PCDHA3: variants seen among roughly 807,000 people sequenced by gnomAD.
The protein encoded by PCDHA3 is protocadherin alpha-3.
In PCDHA3, 41 loss-of-function variants were observed where a neutral mutation model predicts 62.2. The observed-to-expected ratio is 0.66, with a 90% CI of 0.51 to 0.86. The LOEUF is 0.86. Among genes scored for constraint, PCDHA3 ranks in the 40% least tolerant of loss-of-function variants. PCDHA3 has a pLI of 0.00. For missense variants in PCDHA3, 1,304 were observed against 1,241.2 expected (o/e 1.05, Z -0.76); for synonymous variants, 640 against 555.4 (o/e 1.15, Z -2.14).
chr5:140,975,601 GA>G (rs781785883), intron 1 of PCDHA3, among the ~76,000 whole-genome samples: 1 of 152,192 alleles, frequency 6.6e-6, no homozygotes, highest in Non-Finnish European at 1.5e-5. Flanking sequence ...GCAATTTGTT[GA>G]TGTCTTCCAC....
Position 140,802,180 on chromosome 5 carries a change from C to T in PCDHA3, c.983C>T (p.Pro328Leu). The change falls in exon 1 of 4, where the codon CCC becomes CTC. Residue 328 changes from proline to leucine, a missense_variant. Coordinates refer to ENST00000522353, the MANE Select transcript of PCDHA3 (RefSeq NM_018906.3). ...GTAGAAGCCACGGATAAAGGAAATCCCCCAATGTCAGATCACTGCACAGTT... is the reference window on the plus strand; with the variant it reads ...GTAGAAGCCACGGATAAAGGAAATCTCCCAATGTCAGATCACTGCACAGTT... ...IQVEATDKGNPPMSDHCTVLL... is the reference protein window; with the variant it reads ...IQVEATDKGNLPMSDHCTVLL... 6.2e-7 allele frequency: 1 copy of T among 1,614,168 alleles called. No homozygotes were observed. The highest frequency in any genetic ancestry group is 8.5e-7 in the Non-Finnish European group (1 of 1,180,024).
chr5:140,807,525 C>T (rs367896801), intron 1 of PCDHA3: 9 of 1,613,934 alleles, frequency 5.6e-6, no homozygotes, highest in Non-Finnish European at 7.6e-6. Context: ...GTAGACAGGC[C>T]GCTGCAGGTT....
At chr5:140,869,126 G>C in intron 1 of PCDHA3, 1 of 1,611,852 alleles carries the variant, frequency 6.2e-7, no homozygotes, top group African/African-American at 1.3e-5. Context: ...CAGAGAAGGG[G>C]ATTGGGCACC....
chr5:140,992,807 C>T (rs781970284), intron 3 of PCDHA3, among the ~76,000 whole-genome samples: 2 of 152,226 alleles, frequency 1.3e-5, no homozygotes, highest in African/African-American at 4.8e-5. Flanking sequence ...CCATATGTAT[C>T]TAAGGATGTG....
intron 1 of PCDHA3, among the ~76,000 whole-genome samples, chr5:140,839,342 G>A (rs1463316254): frequency 2.0e-5 from 3 of 150,644 alleles, no homozygotes; most frequent in East Asian, 3.9e-4. Flanking sequence ...GTTGATAGGG[G>A]ATCCTCCTTA....
At chr5:140,824,949 A>C (rs1182426968) in intron 1 of PCDHA3, 1 of 152,150 alleles carries the variant, frequency 6.6e-6, no homozygotes, top group Non-Finnish European at 1.5e-5. Context: ...TAATTTAAAA[A>C]TTATATTTTT....
Position 140,807,662 on chromosome 5 carries a change from G to A in PCDHA3, c.2394+4071G>A, listed in dbSNP as rs782724169. The A allele has an allele frequency of 6.2e-6, 10 of 1,614,236 alleles. No individual in the cohort carries two copies. The Admixed American group carries it at 1.2e-4, about 19-fold the overall frequency. On this transcript the variant is annotated intron_variant, in intron 1 of 3. Coordinates refer to ENST00000522353, the MANE Select transcript of PCDHA3 (RefSeq NM_018906.3). ...TCGGTTTCCACTAGAGGGCGCCTCG[G>A]ATGCAGATATCGGGGAGAACGCCCT...
In PCDHA3 at chr5:140,882,891, A is replaced by T. The variant is rs782750187; in HGVS notation, c.2394+79300A>T. 1 of 1,614,230 alleles carries T rather than the reference A, an allele frequency of 6.2e-7. No individual in the cohort carries two copies. The highest frequency in any genetic ancestry group is 8.5e-7 in the Non-Finnish European group (1 of 1,180,042). On this transcript the variant is annotated intron_variant, in intron 1 of 3. Transcript: ENST00000522353. ...CTGGACAGAGAGGAAATTCAGGAAC[A>T]TAGTTTATTACTGACAGCCAGTGAT...
chr5:140,919,097 C>T lies in PCDHA3; in HGVS notation c.2395-59852C>T, dbSNP rs531325561. Among the ~76,000 whole-genome samples the T allele has an allele frequency of 5.3e-5, 8 of 152,242 alleles. No homozygotes were observed. The South Asian group carries it at 1.7e-3, about 32-fold the overall frequency. ...TATGACTATTGAATTGTCTATTTCT[C>T]CCTTCATTTCTGCCAGTTTTTGCTT... On this transcript the variant is annotated intron_variant, in intron 1 of 3. Coordinates refer to ENST00000522353, the MANE Select transcript of PCDHA3 (RefSeq NM_018906.3).
intron 1 of PCDHA3, chr5:140,836,683 C>T (rs2150267743): frequency 6.8e-6 from 11 of 1,613,526 alleles, no homozygotes; most frequent in Non-Finnish European, 9.3e-6. Context: ...CCACCCAAGA[C>T]AGACCTCATG....
chr5:140,898,389 G>A (rs1402524208), intron 1 of PCDHA3, among the ~76,000 whole-genome samples: 3 of 152,190 alleles, frequency 2.0e-5, no homozygotes, highest in Non-Finnish European at 4.4e-5. Flanking sequence ...AAGGGATCCA[G>A]TTTCAGCTTT....
chr5:140,879,869 T>C lies in PCDHA3; in HGVS notation c.2394+76278T>C, dbSNP rs782705975. Among the ~76,000 whole-genome samples, 13 of 152,220 alleles carry C rather than the reference T, an allele frequency of 8.5e-5. 1 individual carries two copies. The highest frequency in any genetic ancestry group is 1.5e-4 in the Non-Finnish European group (10 of 68,042). ...CCCATCTCAGCCTTCTCAGCTTTCA[T>C]GGTCACATTGCCTCCTCCTCTCCAT... On this transcript the variant is annotated intron_variant, in intron 1 of 3. Coordinates refer to ENST00000522353, the MANE Select transcript of PCDHA3 (RefSeq NM_018906.3).
At chr5:140,821,267 A>G (rs1472795848) in intron 1 of PCDHA3, among the ~76,000 whole-genome samples, 1 of 152,200 alleles carries the variant, frequency 6.6e-6, no homozygotes, top group Non-Finnish European at 1.5e-5. Context: ...AGTTATTTTT[A>G]TCAGTTTGGA....
rs151053430 is a variant in PCDHA3 at position 140,849,630 on chromosome 5, G to T, written c.2394+46039G>T. Reference sequence around the variant, plus strand: ...CCTGATTAGTGTGATCGACCTAGACGCAGATGCCAACGGGCAGGTTACCTG... The same window carrying T: ...CCTGATTAGTGTGATCGACCTAGACTCAGATGCCAACGGGCAGGTTACCTG... On this transcript the variant is annotated intron_variant, in intron 1 of 3. Transcript: ENST00000522353. 6.9e-4 allele frequency: 1,103 copies of T among 1,598,686 alleles called. 107 individuals are homozygous for T. Among genetic ancestry groups the T allele is most frequent in the South Asian group, 1.2e-3 (106 of 90,556 alleles).
chr5:140,836,350 A>G, intron 1 of PCDHA3: 1 of 1,613,636 alleles, frequency 6.2e-7, no homozygotes, highest in Non-Finnish European at 8.5e-7. Context: ...GACCACGGGG[A>G]GCCCTCGCTG....
At chr5:140,902,647 G>T (rs1286700570) in intron 1 of PCDHA3, among the ~76,000 whole-genome samples, 3 of 150,932 alleles carry the variant, frequency 2.0e-5, no homozygotes, top group African/African-American at 7.3e-5. Context: ...CTGAGATTTT[G>T]GTGCACCTGT....
At chr5:140,935,665 T>C (rs2090490152) in intron 1 of PCDHA3, among the ~76,000 whole-genome samples, 1 of 152,182 alleles carries the variant, frequency 6.6e-6, no homozygotes, top group Non-Finnish European at 1.5e-5. Context: ...TCTTTTATAA[T>C]TATGTGAAAT....
chr5:140,936,619 T>C (rs2153629684), intron 1 of PCDHA3, among the ~76,000 whole-genome samples: 1 of 152,366 alleles, frequency 6.6e-6, no homozygotes, highest in East Asian at 1.9e-4. Context: ...TACTGTGCAG[T>C]GCTACCTTTG....
At chr5:140,868,922 C>A in intron 1 of PCDHA3, 2 of 1,015,106 alleles carry the variant, frequency 2.0e-6, no homozygotes, top group Non-Finnish European at 2.8e-6. Flanking sequence ...GTGGAAAGTT[C>A]ATTTAAAGGT....
Sources: allele counts gnomAD v4.1 joint callset (sites outside exome capture counted in the v4.1 genomes callset), GRCh38; gene constraint gnomAD v4.1.1; transcripts MANE v1.5; gene names NCBI Gene and HGNC (gene_info 2026-07-23, HGNC 2026-07-21).